Variants in PDIA5 observed in about 807,000 individuals in gnomAD.
PDIA5 encodes the protein protein disulfide isomerase family A member 5.
PDIA5 carries 58 observed loss-of-function variants against 77.6 expected under a neutral mutation model. That is an observed-to-expected ratio of 0.75 (90% CI 0.61 to 0.93). The LOEUF is 0.93. Ranked by LOEUF, PDIA5 falls within the 40% of genes least tolerant of loss-of-function variation. The pLI, the probability that PDIA5 is intolerant of heterozygous loss-of-function variation, is 0.00. For synonymous variants in PDIA5, 250 were observed against 252.1 expected (o/e 0.99, Z 0.08); for missense variants, 630 against 647.7 (o/e 0.97, Z 0.30).
intron 15 of PDIA5, among the ~76,000 whole-genome samples, chr3:123,159,119 A>G (rs1002823136): frequency 1.3e-5 from 2 of 152,258 alleles, no homozygotes; most frequent in African/African-American, 4.8e-5. Context: ...TATACAAATT[A>G]AATTCATAAT....
At chr3:123,090,402 A>T (rs913532162) in intron 2 of PDIA5, among the ~76,000 whole-genome samples, 2 of 152,224 alleles carry the variant, frequency 1.3e-5, no homozygotes, top group Non-Finnish European at 2.9e-5. Flanking sequence ...TCAGTGATAG[A>T]CACGCTCCAT....
intron 3 of PDIA5, among the ~76,000 whole-genome samples, chr3:123,095,447 C>T (rs1036270391): frequency 2.6e-5 from 4 of 151,994 alleles, no homozygotes; most frequent in Non-Finnish European, 5.9e-5. Context: ...TTGCTCTGAC[C>T]CTTAAGAAGT....
chr3:123,148,227 TC>T (rs1560557492), intron 13 of PDIA5, among the ~76,000 whole-genome samples: 1 of 152,046 alleles, frequency 6.6e-6, no homozygotes, highest in Non-Finnish European at 1.5e-5. Context: ...TAAATGAGAC[TC>T]CTGTGAAAAG....
rs1342408335 is a variant in PDIA5, at chr3:123,162,023, A to G, written c.*63A>G. 4 of 1,001,764 alleles carry G rather than the reference A, an allele frequency of 4.0e-6. No individual in the cohort carries two copies. Among genetic ancestry groups the G allele is most frequent in the Admixed American group, 2.1e-5 (1 of 47,134 alleles). 62.1% of individuals were successfully genotyped at this position (1,001,764 alleles called of 1,614,324 possible). ...ATGATACCTGTTTTGTTGTTTCTGA[A>G]TTTCCACATGTTCTGAAGACAAATT... is the stretch of plus-strand genomic sequence containing the variant. On this transcript the variant is annotated 3_prime_UTR_variant, in exon 17 of 17. Coordinates refer to ENST00000316218, the MANE Select transcript of PDIA5 (RefSeq NM_006810.4).
intron 8 of PDIA5, among the ~76,000 whole-genome samples, chr3:123,123,863 A>G (rs754612573): frequency 1.4e-4 from 21 of 152,216 alleles, no homozygotes; most frequent in South Asian, 4.1e-4. Flanking sequence ...CACTCGGCCC[A>G]GCTGCCTGAC....
intron 14 of PDIA5, among the ~76,000 whole-genome samples, chr3:123,153,285 G>T (rs555532038): frequency 6.6e-6 from 1 of 152,072 alleles, no homozygotes; most frequent in Non-Finnish European, 1.5e-5. Context: ...GGTTATTTTC[G>T]CCAGCCTAAT....
intron 1 of PDIA5, among the ~76,000 whole-genome samples, chr3:123,087,500 T>G (rs1334813889): frequency 6.6e-6 from 1 of 151,634 alleles, no homozygotes; most frequent in Admixed American, 6.6e-5. Flanking sequence ...CTTCCAACCC[T>G]AATTATTTCT....
At chr3:123,140,741 C>T (rs989942288) in intron 11 of PDIA5, among the ~76,000 whole-genome samples, 1 of 152,166 alleles carries the variant, frequency 6.6e-6, no homozygotes, top group South Asian at 2.1e-4. Flanking sequence ...GGGGCTGCTG[C>T]GATAGAGTGT....
chr3:123,096,364 T>C (rs1041721215), intron 3 of PDIA5, among the ~76,000 whole-genome samples: 4 of 152,016 alleles, frequency 2.6e-5, no homozygotes, highest in South Asian at 4.2e-4. Flanking sequence ...GTTTTGTATT[T>C]TTTTTATAGA....
intron 1 of PDIA5, among the ~76,000 whole-genome samples, chr3:123,075,760 C>G (rs1933839132): frequency 6.6e-6 from 1 of 152,128 alleles, no homozygotes; most frequent in South Asian, 2.1e-4. Flanking sequence ...AAATGGATTC[C>G]TGGGCTCCCA....
intron 10 of PDIA5, among the ~76,000 whole-genome samples, chr3:123,127,520 C>G (rs1182435922): frequency 6.6e-6 from 1 of 152,224 alleles, no homozygotes; most frequent in Non-Finnish European, 1.5e-5. Flanking sequence ...AATGCACTAT[C>G]TTGTCACTGT....
intron 7 of PDIA5, among the ~76,000 whole-genome samples, chr3:123,112,889 C>T (rs1934898834): frequency 6.6e-6 from 1 of 152,080 alleles, no homozygotes; most frequent in Non-Finnish European, 1.5e-5. Flanking sequence ...TGCTGGGTGT[C>T]CTCCAGCCCC....
intron 6 of PDIA5, among the ~76,000 whole-genome samples, chr3:123,108,321 C>T (rs1172713617): frequency 6.7e-6 from 1 of 148,960 alleles, no homozygotes; most frequent in Non-Finnish European, 1.5e-5. Context: ...TACTTTGTCA[C>T]CCAGGCTGGA....
chr3:123,145,925 A>G (rs1437310992), intron 12 of PDIA5, among the ~76,000 whole-genome samples, 174 bp from the exon 13 acceptor site: 1 of 151,928 alleles, frequency 6.6e-6, no homozygotes, highest in Non-Finnish European at 1.5e-5. Context: ...ATGAGAAATG[A>G]TGGCCGTGCC....
At chr3:123,147,290 C>T (rs1935794855) in intron 13 of PDIA5, among the ~76,000 whole-genome samples, 1 of 152,052 alleles carries the variant, frequency 6.6e-6, no homozygotes, top group Non-Finnish European at 1.5e-5. Context: ...TGGATGAGAG[C>T]CCACCCTAAT....
rs141014781 is a variant in PDIA5 at position 123,154,976 on chromosome 3, C to G, written c.1279C>G (p.Pro427Ala). 6 of 1,605,936 alleles carry G rather than the reference C, an allele frequency of 3.7e-6. No homozygotes were observed. In the African/African-American group the frequency reaches 8.0e-5, roughly 21 times the overall value. ...TCTCTTCCCCTCTCACACAGGGTGC[C>G]CACACTGTAAGAAGGTCATTCCGCA... is the stretch of plus-strand genomic sequence containing the variant. ...TLVMFYAPWC[P>A]HCKKVIPHFT... Residue 427 changes from proline (P) to alanine (A), a missense_variant, in exon 15 of 17, where the codon CCA (proline) becomes GCA (alanine). Coordinates refer to ENST00000316218, the MANE Select transcript of PDIA5 (RefSeq NM_006810.4).
At chr3:123,112,680 C>G (rs1393305116) in intron 7 of PDIA5, among the ~76,000 whole-genome samples, 2 of 151,732 alleles carry the variant, frequency 1.3e-5, no homozygotes, top group Non-Finnish European at 2.9e-5. Context: ...GCCTCAGCTT[C>G]CCGAGTAGCT....
At chr3:123,090,173 G>A (rs2107920643) in intron 2 of PDIA5, among the ~76,000 whole-genome samples, 1 of 152,280 alleles carries the variant, frequency 6.6e-6, no homozygotes, top group Non-Finnish European at 1.5e-5. Context: ...CGTGGGATGT[G>A]TTCATTGCCA....
intron 13 of PDIA5, among the ~76,000 whole-genome samples, chr3:123,146,615 G>A (rs969718648): frequency 1.3e-5 from 2 of 152,108 alleles, no homozygotes; most frequent in African/African-American, 4.8e-5. Flanking sequence ...GACTCATTTC[G>A]TCCAGGTTTG....
Sources: gnomAD v4.1 joint callset for allele counts (sites outside exome capture counted in the v4.1 genomes callset) on GRCh38, gnomAD v4.1.1 for gene constraint, MANE v1.5 for transcripts, NCBI Gene and HGNC (gene_info 2026-07-23, HGNC 2026-07-21) for gene names.